Variants in APLP1 observed in about 807,000 individuals in gnomAD.
APLP1 encodes amyloid beta precursor like protein 1.
APLP1 carries 46 observed loss-of-function variants against 84.5 expected under a neutral mutation model. That is an observed-to-expected ratio of 0.54 (90% confidence interval 0.43 to 0.70). APLP1 has a LOEUF of 0.70. APLP1 is among the 30% of genes least tolerant of loss of function. The probability of loss-of-function intolerance (pLI) is 0.00; values close to 1 mark genes in which losing one functional copy is unlikely to be tolerated. For synonymous variants in APLP1, 376 were observed against 364.0 expected, an observed-to-expected ratio of 1.03 and a Z score of -0.38; for missense variants, 826 against 900.2, an observed-to-expected ratio of 0.92 and a Z score of 1.05.
chr19:35,878,722 G>C lies in APLP1; in HGVS notation c.1650+68G>C, dbSNP rs1222005768. 5 of 1,581,938 alleles carry C rather than the reference G, an allele frequency of 3.2e-6. No homozygotes were observed. The East Asian group carries it at 8.9e-5, about 28-fold the overall frequency. ...CGGGGCCTATATGGCTGGGTACGAGGGAGGAGATGCTGGGGGCTTGGATTC... is the reference window on the plus strand; with the variant it reads ...CGGGGCCTATATGGCTGGGTACGAGCGAGGAGATGCTGGGGGCTTGGATTC... On this transcript the variant is annotated intron_variant, in intron 14 of 16. Coordinates refer to ENST00000221891, the MANE Select transcript of APLP1 (RefSeq NM_001024807.3).
rs781267351 is a variant in APLP1 at position 35,871,770 on chromosome 19, C to A, written c.671+25C>A. 1.9e-6 allele frequency: 3 copies of A among 1,613,858 alleles called. No individual in the cohort carries two copies. The African/African-American group carries it at 4.0e-5, about 22-fold the overall frequency. ...GGTGAGTGGGAGGGAACCCTCCATG[C>A]CCATCTCAAGGTTCCTGAGGCAGGG... On this transcript the variant is annotated intron_variant, in intron 5 of 16. Coordinates refer to ENST00000221891, the MANE Select transcript of APLP1 (RefSeq NM_001024807.3).
chr19:35,869,629 C>T (rs1379156629), intron 1 of APLP1, 38 bp from the exon 2 acceptor site: 2 of 1,606,152 alleles, frequency 1.2e-6, no homozygotes, highest in Admixed American at 1.7e-5. Context: ...CATGCCAACG[C>T]CCCCCGAGCC....
Position 35,878,933 on chromosome 19 carries a change from A to G in APLP1, c.1694A>G (p.Glu565Gly), listed in dbSNP as rs1482179001. ...VPRGFPFHSS[E>G]IQRDELAPAG... ...AGGGGTTTCCCTTTCCACTCATCGG[A>G]GATTCAGAGGGATGAGCTGGTAAGA... Residue 565 changes from glutamate to glycine, a missense_variant, in exon 15 of 17, where the codon GAG becomes GGG. Glu to Gly is a moderately conservative substitution (Grantham distance 98). Transcript: ENST00000221891. 6.2e-7 allele frequency: 1 copy of G among 1,613,858 alleles called. No individual in the cohort carries two copies. Among genetic ancestry groups the G allele is most frequent in the Non-Finnish European group, 8.5e-7 (1 of 1,180,006 alleles).
chr19:35,874,938 T>C lies in APLP1; in HGVS notation c.1344+69T>C. On this transcript the variant is annotated intron_variant, in intron 10 of 16. Coordinates refer to ENST00000221891, the MANE Select transcript of APLP1 (RefSeq NM_001024807.3). The surrounding 1 kb of genome is among the most constrained non-coding windows in gnomAD (Gnocchi z 6.4). ...GACGCCCGCGCCTCAGGCTCTTCTC[T>C]TGTCCCTTAGACCCTCTTTCTGTCT... 6.4e-7 allele frequency: 1 copy of C among 1,563,586 alleles called. No individual in the cohort carries two copies. The highest frequency in any genetic ancestry group is 8.6e-7 in the Non-Finnish European group (1 of 1,160,832).
Position 35,872,523 on chromosome 19 carries a change from C to G in APLP1, c.891C>G (p.Tyr297Ter). 1 of 1,613,862 alleles carries G rather than the reference C, an allele frequency of 6.2e-7. No individual in the cohort carries two copies. The highest frequency in any genetic ancestry group is 8.5e-7 in the Non-Finnish European group (1 of 1,179,922). ...GGCCCACAGACGGTGTGGATATTTA[C>G]TTTGGCATGCCTGGGGAAATCAGTG... The part of the protein sequence containing the change: ...TPRPTDGVDI[Y>*]FGMPGEISEH... The change falls in exon 7 of 17, where the codon TAC becomes TAG. Residue 297 changes from tyrosine (Y) to a stop codon, truncating the protein, a stop_gained. Transcript: ENST00000221891. LOFTEE classifies it high-confidence loss of function.
intron 2 of APLP1, 83 bp downstream of exon 2, chr19:35,869,893 C>G (rs1351977565): frequency 6.7e-7 from 1 of 1,503,118 alleles, no homozygotes; most frequent in African/African-American, 1.4e-5. Flanking sequence ...GCTGCGCGAT[C>G]TAAGGCGTGG....
rs1411349183 is a variant in APLP1 at position 35,868,589 on chromosome 19, C to T, written c.-48C>T. 5 of 1,225,966 alleles carry T rather than the reference C, an allele frequency of 4.1e-6. No homozygotes were observed. Among genetic ancestry groups the T allele is most frequent in the African/African-American group, 1.6e-5 (1 of 63,594 alleles). The allele number at this position is 1,225,966 out of a possible 1,614,324, so 75.9% of individuals were successfully genotyped here. ...CTGGGAGCTCCTGTCACCGCTGGGG[C>T]CGGGCCGGGCGGGAGTGCAGGGGAC... On this transcript the variant is annotated 5_prime_UTR_variant, in exon 1 of 17. Coordinates refer to ENST00000221891, the MANE Select transcript of APLP1 (RefSeq NM_001024807.3). This position sits in a 1 kb window ranked among gnomAD's most constrained non-coding sequence, Gnocchi z 5.2.
chr19:35,879,470 C>T lies in APLP1; in HGVS notation c.*29C>T. The T allele has an allele frequency of 6.3e-7, 1 of 1,594,156 alleles. No individual in the cohort carries two copies. Among genetic ancestry groups the T allele is most frequent in the Non-Finnish European group, 8.6e-7 (1 of 1,164,280 alleles). The stretch of plus-strand genomic sequence containing the variant: ...GGCCCCCTTCACCCCTTCAGCCGAG[C>T]CCAGACCTCCCCTCTTCCTGGAGCC... On this transcript the variant is annotated 3_prime_UTR_variant, in exon 17 of 17. Transcript: ENST00000221891.
chr19:35,875,843 T>A (rs1974270821), intron 10 of APLP1, among the ~76,000 whole-genome samples: 1 of 151,560 alleles, frequency 6.6e-6, no homozygotes, highest in African/African-American at 2.4e-5. Context: ...GGTCTCGAAC[T>A]CCTGACCTCA....
chr19:35,872,147 T>C, intron 6 of APLP1, 111 bp downstream of exon 6: 1 of 1,309,614 alleles, frequency 7.6e-7, no homozygotes, highest in Non-Finnish European at 1.0e-6. Context: ...AAGGCCCAAC[T>C]GAGGAGAAAA....
chr19:35,875,202 G>A (rs1328133413), intron 10 of APLP1, among the ~76,000 whole-genome samples: 3 of 136,582 alleles, frequency 2.2e-5, no homozygotes, highest in Admixed American at 8.1e-5. Flanking sequence ...TTGCTCTGTC[G>A]CCCAGGCAGG....
Position 35,879,194 on chromosome 19 carries a change from G to T in APLP1, c.1834G>T (p.Ala612Ser), listed in dbSNP as rs763535770. ...CCTGCGCAGGAAGAAGCCCTACGGG[G>T]CTATCAGCCATGGCGTGGTGGAGGT... ...LLLRRKKPYG[A>S]ISHGVVEVDP... The change falls in exon 16 of 17, where the codon GCT (alanine) becomes TCT (serine). Residue 612 changes from alanine to serine, a missense_variant. Around this residue, in one of 3 missense-constraint regions of APLP1, gnomAD observed 433 missense variants for 496.5 expected, o/e 0.87. Coordinates refer to ENST00000221891, the MANE Select transcript of APLP1 (RefSeq NM_001024807.3). 1.2e-6 allele frequency: 2 copies of T among 1,613,062 alleles called. No individual in the cohort carries two copies. Among genetic ancestry groups the T allele is most frequent in the Non-Finnish European group, 8.5e-7 (1 of 1,179,976 alleles).
intron 1 of APLP1, 158 bp from the exon 2 acceptor site, chr19:35,869,509 G>A: frequency 9.6e-7 from 1 of 1,039,008 alleles, no homozygotes; most frequent in Non-Finnish European, 1.4e-6. Flanking sequence ...CCGCCCTACG[G>A]GAGCTGTTTC....
In APLP1 at chr19:35,869,732, C is replaced by A; in HGVS notation, c.213C>A (p.Thr71=). 6.2e-7 allele frequency: 1 copy of A among 1,611,092 alleles called. No homozygotes were observed. Among genetic ancestry groups the A allele is most frequent in the Non-Finnish European group, 8.5e-7 (1 of 1,179,328 alleles). Residue 71 remains threonine, a synonymous_variant, in exon 2 of 17, where the codon ACC becomes ACA. Transcript: ENST00000221891. The stretch of plus-strand genomic sequence containing the variant: ...TAACCCTTCACCGGGACCTGCGCAC[C>A]GGCCGCTGGGAACCAGACCCACAGC... The part of the protein sequence containing the change: ...GRLTLHRDLR[T]GRWEPDPQRS...
intron 1 of APLP1, chr19:35,869,161 G>A (rs2146898346): frequency 9.3e-6 from 3 of 324,144 alleles, no homozygotes; most frequent in South Asian, 1.2e-4. Flanking sequence ...GGAGGCCCTT[G>A]CAGCCTCCCA....
intron 8 of APLP1, 139 bp downstream of exon 8, chr19:35,873,852 C>G: frequency 2.6e-6 from 2 of 761,580 alleles, no homozygotes; most frequent in Non-Finnish European, 4.5e-6. Flanking sequence ...CCCATGCCTA[C>G]ATGCAGCTCT....
At chr19:35,872,388 G>A in intron 6 of APLP1, 95 bp from the exon 7 acceptor site, 1 of 1,499,934 alleles carries the variant, frequency 6.7e-7, no homozygotes, top group Non-Finnish European at 9.0e-7. Flanking sequence ...GGTGCATGAT[G>A]GTCTCCAGTG....
Position 35,872,000 on chromosome 19 carries a change from C to A in APLP1, c.814C>A (p.Pro272Thr), listed in dbSNP as rs372531049. ...QAEEEEETVP[P>T]PSSHTLAVVG... ...TGAAGAGGAAGAGGAAACGGTCCCA[C>A]CCCCAAGCTCCCATACACTTGCAGT... The change falls in exon 6 of 17, where the codon CCC (proline) becomes ACC (threonine). Residue 272 changes from proline (P) to threonine (T), a missense_variant. Transcript: ENST00000221891. 3 of 1,613,922 alleles carry A rather than the reference C, an allele frequency of 1.9e-6. No homozygotes were observed. Among genetic ancestry groups the A allele is most frequent in the African/African-American group, 2.7e-5 (2 of 74,890 alleles).
intron 6 of APLP1, 122 bp downstream of exon 6, chr19:35,872,158 G>T: frequency 8.0e-7 from 1 of 1,249,734 alleles, no homozygotes; most frequent in Non-Finnish European, 1.1e-6. Flanking sequence ...GAGGAGAAAA[G>T]ACGAGAGTAT....
Sources: gnomAD v4.1 joint callset for allele counts (sites outside exome capture counted in the v4.1 genomes callset) on GRCh38, gnomAD v4.1.1 for gene constraint, gnomAD v4.1.1 regional missense constraint, Gnocchi (gnomAD v3.1) non-coding constraint, MANE v1.5 for transcripts, NCBI Gene and HGNC (gene_info 2026-07-23, HGNC 2026-07-21) for gene names.